Variants in TTC21B observed in about 807,000 individuals in gnomAD.
TTC21B encodes the protein tetratricopeptide repeat domain 21B, also known as tetratricopeptide repeat protein 21B.
TTC21B carries 127 observed loss-of-function variants against 175.1 expected under a neutral mutation model. The ratio of observed to expected loss-of-function variants is 0.73; its 90% CI spans 0.63 to 0.84. TTC21B has a LOEUF of 0.84. Among genes scored for constraint, TTC21B ranks in the 40% least tolerant of loss-of-function variants. TTC21B has a pLI of 0.00. For missense variants in TTC21B, 1,561 were observed against 1,558.3 expected (o/e 1.00, Z -0.03); for synonymous variants, 524 against 524.5 (o/e 1.00, Z 0.01).
At chr2:165,875,774 A>C (rs1684646239) in intron 28 of TTC21B, among the ~76,000 whole-genome samples, 1 of 151,612 alleles carries the variant, frequency 6.6e-6, no homozygotes, top group Non-Finnish European at 1.5e-5. Flanking sequence ...TAACTTAAAG[A>C]CTACATTTTA....
chr2:165,875,108 TATCA>T (rs1213533425), intron 28 of TTC21B, among the ~76,000 whole-genome samples: 1 of 152,206 alleles, frequency 6.6e-6, no homozygotes, highest in African/African-American at 2.4e-5. Flanking sequence ...AACAATTATG[TATCA>T]ATGATTTAAA....
At chr2:165,924,473 C>T in intron 12 of TTC21B, 76 bp downstream of exon 12, 1 of 1,409,146 alleles carries the variant, frequency 7.1e-7, no homozygotes, top group East Asian at 2.4e-5. Context: ...TATATATACA[C>T]AGTGCTTAAT....
rs1574102560 is a variant in TTC21B at position 165,917,319 on chromosome 2, T to C, written c.1837A>G (p.Thr613Ala). ...KSKDRKTEVD[T>A]SHRLSIFLEL... ...AGAAAGATCGATAAACGATGGCTTG[T>C]ATCAACTTCAGTTTTTCTGTCTTTT... Residue 613 changes from threonine to alanine, a missense_variant, in exon 14 of 29, where the codon ACA becomes GCA. Transcript: ENST00000243344. 6.2e-7 allele frequency: 1 copy of C among 1,614,226 alleles called. No homozygotes were observed. The highest frequency in any genetic ancestry group is 8.5e-7 in the Non-Finnish European group (1 of 1,180,034).
intron 3 of TTC21B, chr2:165,947,812 T>G (rs530913252): frequency 1.1e-3 from 163 of 152,338 alleles, no homozygotes; most frequent in African/African-American, 3.7e-3. Context: ...TCAAGTCCAT[T>G]CAGCATCATC....
intron 19 of TTC21B, among the ~76,000 whole-genome samples, chr2:165,904,014 T>C (rs1321932702): frequency 6.6e-6 from 1 of 152,162 alleles, no homozygotes; most frequent in Non-Finnish European, 1.5e-5. Context: ...GATTATAGTT[T>C]GGGGTGCTGG....
intron 15 of TTC21B, among the ~76,000 whole-genome samples, chr2:165,914,655 A>ATGTGTGTGTGTGTG (rs1466920048): frequency 0.046 from 3,475 of 75,646 alleles, 162 homozygotes; most frequent in Non-Finnish European, 0.055. Flanking sequence ...AGGAAGAGCA[A>ATGTGTGTGTGTGTG]TCTGTGTGTG....
intron 22 of TTC21B, among the ~76,000 whole-genome samples, chr2:165,892,494 T>C (rs1201407993): frequency 6.6e-6 from 1 of 152,168 alleles, no homozygotes; most frequent in Non-Finnish European, 1.5e-5. Context: ...ATAATCAAAA[T>C]GTAGTATGTA....
At chr2:165,929,797 T>C (rs112314664) in intron 9 of TTC21B, 50 bp from the exon 10 acceptor site, 21 of 1,212,126 alleles carry the variant, frequency 1.7e-5, no homozygotes, top group African/African-American at 1.0e-4. Context: ...AATTCAGGGA[T>C]GCACTCTTCA....
At chr2:165,927,301 TATATATTATATATTATATAATATA>T (rs1686703598) in intron 11 of TTC21B, among the ~76,000 whole-genome samples, 1 of 106,424 alleles carries the variant, frequency 9.4e-6, no homozygotes, top group African/African-American at 4.0e-5. Flanking sequence ...TAGTTATATA[TATATATTATATATTATATAATATA>T]TATATAATAT....
chr2:165,885,429 T>C (rs961845897), intron 25 of TTC21B, among the ~76,000 whole-genome samples: 2 of 152,186 alleles, frequency 1.3e-5, no homozygotes, highest in African/African-American at 4.8e-5. Context: ...TTCCAAGATA[T>C]AATCTGTTCC....
At chr2:165,884,136 T>C in intron 25 of TTC21B, 118 bp from the exon 26 acceptor site, 1 of 808,798 alleles carries the variant, frequency 1.2e-6, no homozygotes, top group Non-Finnish European at 2.1e-6. Context: ...CTAGCTCCAT[T>C]ACAGATAACT....
chr2:165,913,522 T>C, intron 16 of TTC21B, 52 bp downstream of exon 16: 1 of 1,178,026 alleles, frequency 8.5e-7, no homozygotes, highest in Non-Finnish European at 1.3e-6. Context: ...GAAGTTGTAC[T>C]CATCACAAAT....
Position 165,953,753 on chromosome 2 carries a change from A to C in TTC21B, c.-48T>G, listed in dbSNP as rs1464344716. 1.3e-6 allele frequency: 2 copies of C among 1,546,692 alleles called. No homozygotes were observed. The highest frequency in any genetic ancestry group is 2.4e-5 in the South Asian group (2 of 83,982). ...GGGGCTCTGGGGATTGTCTCGCCGC[A>C]GCCTAAAGGAAGACGCAGAATTCAG... On this transcript the variant is annotated 5_prime_UTR_variant, in exon 1 of 29. Transcript: ENST00000243344.
intron 6 of TTC21B, among the ~76,000 whole-genome samples, chr2:165,935,376 T>C (rs138963132): frequency 5.2e-4 from 79 of 151,970 alleles, no homozygotes; most frequent in African/African-American, 1.8e-3. Flanking sequence ...TGTGTATGCA[T>C]GTGTGTACAG....
At chr2:165,888,129 G>T (rs1685070173) in intron 25 of TTC21B, 150 bp downstream of exon 25, 3 of 630,636 alleles carry the variant, frequency 4.8e-6, no homozygotes, top group Non-Finnish European at 8.4e-6. Context: ...CCAAGAAGGG[G>T]ACATTGTGTA....
intron 11 of TTC21B, among the ~76,000 whole-genome samples, chr2:165,925,095 A>G (rs1686579244): frequency 6.6e-6 from 1 of 152,192 alleles, no homozygotes; most frequent in Non-Finnish European, 1.5e-5. Flanking sequence ...GCTCAATTCA[A>G]TTACTTTCAT....
At chr2:165,937,167 A>T (rs1025274105) in intron 6 of TTC21B, among the ~76,000 whole-genome samples, 1 of 152,056 alleles carries the variant, frequency 6.6e-6, no homozygotes, top group African/African-American at 2.4e-5. Context: ...CATAATACTA[A>T]ATGAAAGAAG....
At chr2:165,887,595 G>A (rs13416316) in intron 25 of TTC21B, among the ~76,000 whole-genome samples, 65,913 of 151,618 alleles carry the variant, frequency 0.43, 14,950 homozygotes, top group South Asian at 0.54. Flanking sequence ...GCTGAGGCAG[G>A]AGAATTGCCC....
At chr2:165,914,290 T>C (rs1008762727) in intron 15 of TTC21B, among the ~76,000 whole-genome samples, 1 of 152,222 alleles carries the variant, frequency 6.6e-6, no homozygotes, top group African/African-American at 2.4e-5. Context: ...CAGATCTTCC[T>C]GAAACAAAAC....
Sources: gnomAD v4.1 joint callset for allele counts (sites outside exome capture counted in the v4.1 genomes callset) on GRCh38, gnomAD v4.1.1 for gene constraint, MANE v1.5 for transcripts, NCBI Gene and HGNC (gene_info 2026-07-23, HGNC 2026-07-21) for gene names.